The following GNAI1 variants were observed in gnomAD, a reference collection of about 807,000 sequenced individuals.
GNAI1 encodes the protein G protein subunit alpha i1.
In GNAI1, 11 loss-of-function variants were observed where a neutral mutation model predicts 38.9. The ratio of observed to expected loss-of-function variants is 0.28; its 90% CI spans 0.18 to 0.47. GNAI1 has a LOEUF of 0.47. Among genes scored for constraint, GNAI1 ranks in the 20% least tolerant of loss-of-function variants. GNAI1 has a pLI of 0.99. For synonymous variants in GNAI1, 166 were observed against 145.1 expected (o/e 1.14, Z -1.04); for missense variants, 317 against 436.9 (o/e 0.73, Z 2.45).
intron 1 of GNAI1, among the ~76,000 whole-genome samples, chr7:80,169,884 T>TA (rs1266734601): frequency 1.3e-5 from 2 of 152,200 alleles, no homozygotes; most frequent in East Asian, 3.9e-4. Context: ...TCTGTCTCTA[T>TA]AGATTTGACA....
chr7:80,161,199 T>C (rs1326660337), intron 1 of GNAI1, among the ~76,000 whole-genome samples: 4 of 152,192 alleles, frequency 2.6e-5, no homozygotes, highest in Non-Finnish European at 5.9e-5. Flanking sequence ...TATAGTACTT[T>C]GTAGTTTATA....
intron 3 of GNAI1, among the ~76,000 whole-genome samples, chr7:80,193,654 T>C (rs1788518339): frequency 6.6e-6 from 1 of 152,204 alleles, no homozygotes; most frequent in Non-Finnish European, 1.5e-5. Flanking sequence ...CATGGACTTG[T>C]GGACTAGTGC....
rs1055708140 is a variant in GNAI1, at chr7:80,224,183, A to C, written c.*6690A>C. ...ATAAATATATAGAGAAAATGCATAC[A>C]TACATAATTTATTGAGTGCCTACTG... On this transcript the variant is annotated 3_prime_UTR_variant, in exon 8 of 8. Coordinates refer to ENST00000649796, the MANE Select transcript of GNAI1 (RefSeq NM_002069.6). 6.6e-6 allele frequency among the ~76,000 whole-genome samples: 1 copy of C among 152,236 alleles called. No homozygotes were observed. The highest frequency in any genetic ancestry group is 1.5e-5 in the Non-Finnish European group (1 of 68,046).
intron 1 of GNAI1, among the ~76,000 whole-genome samples, chr7:80,183,958 C>T (rs1293808765): frequency 1.3e-5 from 2 of 152,082 alleles, no homozygotes; most frequent in African/African-American, 4.8e-5. Flanking sequence ...TGAGTTCTCT[C>T]TCCGGTGTTA....
chr7:80,171,890 A>T (rs918375862), intron 1 of GNAI1, among the ~76,000 whole-genome samples: 3 of 152,172 alleles, frequency 2.0e-5, no homozygotes, highest in African/African-American at 7.2e-5. Flanking sequence ...TTTGTACACC[A>T]CATCTCTGTA....
chr7:80,180,898 G>A (rs1018894881), intron 1 of GNAI1, among the ~76,000 whole-genome samples: 9 of 152,012 alleles, frequency 5.9e-5, no homozygotes, highest in Non-Finnish European at 1.2e-4. Context: ...ATTCAGTGAT[G>A]CTCTCCTAGG....
chr7:80,215,245 T>C (rs538132636), intron 7 of GNAI1, among the ~76,000 whole-genome samples: 6 of 152,194 alleles, frequency 3.9e-5, no homozygotes, highest in Non-Finnish European at 7.3e-5. Flanking sequence ...TTCATTCATA[T>C]GTGTTGTAGC....
intron 1 of GNAI1, among the ~76,000 whole-genome samples, chr7:80,149,163 T>C (rs1787681967): frequency 6.6e-6 from 1 of 152,174 alleles, no homozygotes; most frequent in Admixed American, 6.5e-5. Flanking sequence ...TTTACACTTA[T>C]TCTGGCTTAA....
rs745610101 is a variant in GNAI1, at chr7:80,199,394, T to A, written c.461+12T>A. On this transcript the variant is annotated intron_variant, in intron 4 of 7. Coordinates refer to ENST00000649796, the MANE Select transcript of GNAI1 (RefSeq NM_002069.6). ...GATTCTGCAGCATAGTAAGTAATCA[T>A]AACTTCAGAACTAAACTATCATGAA... The A allele has an allele frequency of 6.4e-6, 10 of 1,573,494 alleles. No individual in the cohort carries two copies. The highest frequency in any genetic ancestry group is 8.7e-6 in the Non-Finnish European group (10 of 1,154,116).
chr7:80,183,252 A>G (rs1475386328), intron 1 of GNAI1, among the ~76,000 whole-genome samples: 1 of 152,194 alleles, frequency 6.6e-6, no homozygotes, highest in East Asian at 1.9e-4. Context: ...GGAGAATTGA[A>G]CGTTTTATTT....
At chr7:80,168,587 C>T (rs536021864) in intron 1 of GNAI1, among the ~76,000 whole-genome samples, 8 of 152,026 alleles carry the variant, frequency 5.3e-5, no homozygotes, top group Non-Finnish European at 1.2e-4. Context: ...AGGGTTTCAC[C>T]GTGTTAGCCA....
chr7:80,148,129 T>C (rs1787660109), intron 1 of GNAI1, among the ~76,000 whole-genome samples: 1 of 152,212 alleles, frequency 6.6e-6, no homozygotes, highest in African/African-American at 2.4e-5. Flanking sequence ...ATGTTTTAGA[T>C]GAATGCAGTT....
At chr7:80,195,710 G>A (rs2115656284) in intron 3 of GNAI1, among the ~76,000 whole-genome samples, 1 of 152,072 alleles carries the variant, frequency 6.6e-6, no homozygotes, top group African/African-American at 2.4e-5. Context: ...AGAAGGGCTT[G>A]CAGATCTTTT....
At chr7:80,163,966 CTTTTT>C (rs1313381597) in intron 1 of GNAI1, among the ~76,000 whole-genome samples, 1 of 75,032 alleles carries the variant, frequency 1.3e-5, no homozygotes, top group Admixed American at 1.4e-4. Flanking sequence ...CTGGTGCTTT[CTTTTT>C]TTTTTTTTTT....
chr7:80,225,211 A>G lies in GNAI1; in HGVS notation c.*7718A>G, dbSNP rs572326893. On this transcript the variant is annotated 3_prime_UTR_variant, in exon 8 of 8. Coordinates refer to ENST00000649796, the MANE Select transcript of GNAI1 (RefSeq NM_002069.6). ...GTAATATAGCCTTTCCTGTGGGGGG[A>G]AAACCCATCTCATTTTCACTTTAAA... is the stretch of plus-strand genomic sequence containing the variant. Among the ~76,000 whole-genome samples the G allele has an allele frequency of 2.0e-3, 297 of 152,152 alleles. No homozygotes were observed. Among genetic ancestry groups the G allele is most frequent in the Non-Finnish European group, 2.5e-3 (168 of 67,998 alleles).
At chr7:80,209,448 G>A (rs1788835845) in intron 5 of GNAI1, among the ~76,000 whole-genome samples, 1 of 152,168 alleles carries the variant, frequency 6.6e-6, no homozygotes, top group Non-Finnish European at 1.5e-5. Context: ...GAGGGCTGTT[G>A]TATTATTAAG....
At chr7:80,149,824 A>G (rs1007351205) in intron 1 of GNAI1, among the ~76,000 whole-genome samples, 1 of 152,174 alleles carries the variant, frequency 6.6e-6, no homozygotes, top group Non-Finnish European at 1.5e-5. Flanking sequence ...AGGCATTTTT[A>G]AAATTTACAT....
chr7:80,157,740 C>T (rs964009177), intron 1 of GNAI1, among the ~76,000 whole-genome samples: 1 of 152,104 alleles, frequency 6.6e-6, no homozygotes, highest in African/African-American at 2.4e-5. Context: ...GAGTCTCACT[C>T]TGTCACCCAA....
intron 1 of GNAI1, among the ~76,000 whole-genome samples, chr7:80,182,952 A>G (rs1788320402): frequency 6.6e-6 from 1 of 152,174 alleles, no homozygotes; most frequent in Admixed American, 6.5e-5. Flanking sequence ...TCTTTAGGAC[A>G]GAAGTTAGTT....
Sources: allele counts gnomAD v4.1 joint callset (sites outside exome capture counted in the v4.1 genomes callset), GRCh38; gene constraint gnomAD v4.1.1; transcripts MANE v1.5; gene names NCBI Gene and HGNC (gene_info 2026-07-23, HGNC 2026-07-21).